Variants in RORA observed in about 807,000 individuals in gnomAD.
The protein encoded by RORA is nuclear receptor ROR-alpha.
In RORA, 7 loss-of-function variants were observed where a neutral mutation model predicts 69.5. The observed-to-expected ratio is 0.10, with a 90% CI of 0.06 to 0.19. The LOEUF is 0.19. Ranked by LOEUF, RORA falls within the 10% of genes least tolerant of loss-of-function variation. The pLI is 1.00. For missense variants in RORA, 457 were observed against 663.0 expected (o/e 0.69, Z 3.41); for synonymous variants, 261 against 240.8 (o/e 1.08, Z -0.78).
At chr15:60,935,519 C>G (rs562075635) in intron 1 of RORA, among the ~76,000 whole-genome samples, 39 of 152,262 alleles carry the variant, frequency 2.6e-4, no homozygotes, top group African/African-American at 9.1e-4. Context: ...CCAAATACAC[C>G]AGTGAAAACA....
intron 1 of RORA, among the ~76,000 whole-genome samples, chr15:60,739,357 G>A (rs921803015): frequency 6.6e-6 from 1 of 152,148 alleles, no homozygotes; most frequent in Non-Finnish European, 1.5e-5. Context: ...TGGATCACTT[G>A]AACTCAGGCT....
chr15:60,598,513 G>A (rs1023278090), intron 2 of RORA: 3 of 152,126 alleles, frequency 2.0e-5, no homozygotes, highest in Non-Finnish European at 4.4e-5. Context: ...TTAATGAATA[G>A]TAAGCATAAT....
At chr15:61,089,662 C>T (rs146150862) in intron 1 of RORA, among the ~76,000 whole-genome samples, 1,550 of 152,040 alleles carry the variant, frequency 0.01, 20 homozygotes, top group Middle Eastern at 0.017. Context: ...TCACCTTGAT[C>T]AAGAAATTCT....
At chr15:60,704,301 G>C (rs1373430665) in intron 1 of RORA, among the ~76,000 whole-genome samples, 5 of 152,360 alleles carry the variant, frequency 3.3e-5, no homozygotes, top group African/African-American at 1.2e-4. Flanking sequence ...CCGGCATGCG[G>C]TTGCAAGGAG....
chr15:60,891,885 C>A (rs2073816556), intron 1 of RORA, among the ~76,000 whole-genome samples: 1 of 152,190 alleles, frequency 6.6e-6, no homozygotes, highest in Admixed American at 6.5e-5. Flanking sequence ...TCCTGGATGC[C>A]TTCGTGGCTT....
At chr15:61,125,785 C>T (rs563659869) in intron 1 of RORA, among the ~76,000 whole-genome samples, 1 of 152,290 alleles carries the variant, frequency 6.6e-6, no homozygotes, top group African/African-American at 2.4e-5. Context: ...TCCACCAAAG[C>T]CCTAATATCA....
intron 1 of RORA, among the ~76,000 whole-genome samples, chr15:60,852,420 C>T (rs1209254741): frequency 3.3e-5 from 5 of 152,122 alleles, no homozygotes; most frequent in Non-Finnish European, 7.3e-5. Flanking sequence ...GCTCCAGTCC[C>T]GTGTCTATAA....
In RORA at chr15:60,614,756, T is replaced by C. The variant is rs899069876; in HGVS notation, c.196+63901A>G. ...TGGCTTAATATCTAAAACTCAGTTT[T>C]CTCAAGAAATAGGATACTTAATATT... On this transcript the variant is annotated intron_variant, in intron 2 of 10. Coordinates refer to ENST00000335670, the MANE Select transcript of RORA (RefSeq NM_134261.3). 1.5e-5 allele frequency: 11 copies of C among 709,842 alleles called. No individual in the cohort carries two copies. The African/African-American group carries it at 1.8e-4, about 12-fold the overall frequency. The allele number at this position is 709,842 out of a possible 1,614,324, so 44.0% of individuals were successfully genotyped here. A position where few individuals can be genotyped will look rare whatever the true frequency, so the allele number is the denominator to read the frequency against.
chr15:60,677,534 C>A (rs752688380), intron 2 of RORA, among the ~76,000 whole-genome samples: 6 of 151,538 alleles, frequency 4.0e-5, no homozygotes, highest in Non-Finnish European at 8.8e-5. Flanking sequence ...ACAGGGCCCT[C>A]AGAGTCAGGC....
intron 1 of RORA, among the ~76,000 whole-genome samples, chr15:60,856,943 G>C (rs548509252): frequency 6.6e-6 from 1 of 152,284 alleles, no homozygotes; most frequent in South Asian, 2.1e-4. Context: ...AGGAATAATG[G>C]GAGAATGTCA....
intron 1 of RORA, among the ~76,000 whole-genome samples, chr15:61,171,549 G>A (rs927882992): frequency 6.6e-6 from 1 of 152,208 alleles, no homozygotes; most frequent in African/African-American, 2.4e-5. Context: ...CTGCTCAGAT[G>A]TGGGGTATTA....
Position 60,607,715 on chromosome 15 carries a change from A to G in RORA, c.196+70942T>C, listed in dbSNP as rs1001116152. Among the ~76,000 whole-genome samples the G allele has an allele frequency of 3.3e-5, 5 of 152,354 alleles. No homozygotes were observed. In the East Asian group the frequency reaches 9.6e-4, roughly 29 times the overall value. On this transcript the variant is annotated intron_variant, in intron 2 of 10. Transcript: ENST00000335670. Reference sequence around the variant, plus strand: ...GTTTTTGTAAATATTTACTGGAGTGATGAGTGTTCAGGGCTCAAGTTTATT... The same window carrying G: ...GTTTTTGTAAATATTTACTGGAGTGGTGAGTGTTCAGGGCTCAAGTTTATT...
rs930350 is a variant in RORA, at chr15:60,539,777, A to G, written c.197-7926T>C. On this transcript the variant is annotated intron_variant, in intron 2 of 10. Coordinates refer to ENST00000335670, the MANE Select transcript of RORA (RefSeq NM_134261.3). ...TTTGCCTTTGTAAACAACAGAACGTATTTGTTGTTAAGGATTTATGGGGTT... is the reference window on the plus strand; with the variant it reads ...TTTGCCTTTGTAAACAACAGAACGTGTTTGTTGTTAAGGATTTATGGGGTT... Among the ~76,000 whole-genome samples the G allele has an allele frequency of 6.2e-3, 942 of 151,598 alleles. 5 individuals carry two copies. Among genetic ancestry groups the G allele is most frequent in the African/African-American group, 0.022 (915 of 41,298 alleles).
chr15:61,039,482 G>A (rs933764834), intron 1 of RORA, among the ~76,000 whole-genome samples: 7 of 151,954 alleles, frequency 4.6e-5, no homozygotes, highest in African/African-American at 1.7e-4. Flanking sequence ...TTGGGAGGCC[G>A]AGGCAGGCAG....
chr15:61,116,117 G>C (rs12101925), intron 1 of RORA, among the ~76,000 whole-genome samples: 340 of 152,268 alleles, frequency 2.2e-3, no homozygotes, highest in African/African-American at 8.0e-3. Flanking sequence ...GACGCAGGAT[G>C]AACCATTTTA....
intron 1 of RORA, among the ~76,000 whole-genome samples, chr15:61,111,042 C>T (rs2079002230): frequency 6.6e-6 from 1 of 151,880 alleles, no homozygotes; most frequent in African/African-American, 2.4e-5. Context: ...TGTAGACCTC[C>T]CCCAAAAAAG....
chr15:61,029,933 A>C (rs1896059434), intron 1 of RORA, among the ~76,000 whole-genome samples: 1 of 152,102 alleles, frequency 6.6e-6, no homozygotes, highest in Admixed American at 6.6e-5. Flanking sequence ...ACCTAAAGAG[A>C]GACAAGTGGA....
chr15:61,054,511 GAT>G (rs2078063300), intron 1 of RORA, among the ~76,000 whole-genome samples: 1 of 152,158 alleles, frequency 6.6e-6, no homozygotes, highest in Non-Finnish European at 1.5e-5. Context: ...AAAGCCCCTG[GAT>G]TTCTCATCCT....
chr15:61,084,049 C>T (rs1395358299), intron 1 of RORA, among the ~76,000 whole-genome samples: 2 of 152,054 alleles, frequency 1.3e-5, no homozygotes, highest in Non-Finnish European at 2.9e-5. Context: ...GAGATTATTC[C>T]CTTACAGGTA....
Sources: gnomAD v4.1 joint callset for allele counts (sites outside exome capture counted in the v4.1 genomes callset) on GRCh38, gnomAD v4.1.1 for gene constraint, MANE v1.5 for transcripts, NCBI Gene and HGNC (gene_info 2026-07-23, HGNC 2026-07-21) for gene names.